Variants in WWOX observed in about 807,000 individuals in gnomAD.
WWOX encodes WW domain containing oxidoreductase, also known as WW domain-containing oxidoreductase.
Under a neutral mutation model 46.2 loss-of-function variants are expected in WWOX, and 69 were observed. That is an observed-to-expected ratio of 1.49 (90% confidence interval 1.23 to 1.82). WWOX has a LOEUF of 1.82. Ranked by LOEUF, WWOX falls within the 40% of genes most tolerant of loss-of-function variation. The probability of loss-of-function intolerance (pLI) is 0.00; values close to 1 mark genes in which losing one functional copy is unlikely to be tolerated. For missense variants in WWOX, 919 were observed against 542.6 expected (o/e 1.69, Z -6.89); for synonymous variants, 359 against 202.6 (o/e 1.77, Z -6.56).
chr16:79,090,815 T>C (rs1169147257), intron 8 of WWOX, among the ~76,000 whole-genome samples: 2 of 152,158 alleles, frequency 1.3e-5, no homozygotes, highest in African/African-American at 2.4e-5. Context: ...GTTTTGGTTA[T>C]TTTGTTTTTC....
chr16:78,735,489 T>A (rs1352445775), intron 8 of WWOX, among the ~76,000 whole-genome samples: 1 of 152,030 alleles, frequency 6.6e-6, no homozygotes, highest in Non-Finnish European at 1.5e-5. Flanking sequence ...TGTTTTGACG[T>A]GCTTGAACTC....
chr16:78,196,266 C>T (rs146370053), intron 5 of WWOX, among the ~76,000 whole-genome samples: 1 of 152,166 alleles, frequency 6.6e-6, no homozygotes, highest in Non-Finnish European at 1.5e-5. Context: ...GTAAGCCTAG[C>T]TTCTGGTAAA....
chr16:78,485,097 A>G (rs888478209), intron 8 of WWOX, among the ~76,000 whole-genome samples: 1 of 152,182 alleles, frequency 6.6e-6, no homozygotes, highest in Non-Finnish European at 1.5e-5. Context: ...CCAGCCGGAA[A>G]GGAAACAGTT....
At chr16:78,909,151 C>A (rs572400267) in intron 8 of WWOX, among the ~76,000 whole-genome samples, 2 of 152,196 alleles carry the variant, frequency 1.3e-5, no homozygotes, top group Admixed American at 1.3e-4. Flanking sequence ...GAGTCAGTTA[C>A]ATCAGATCTC....
intron 8 of WWOX, among the ~76,000 whole-genome samples, chr16:78,945,916 A>C (rs2045940230): frequency 6.6e-6 from 1 of 151,976 alleles, no homozygotes; most frequent in African/African-American, 2.4e-5. Flanking sequence ...TGAACATGTC[A>C]GTTCATCTCA....
chr16:78,347,691 C>T (rs1340137627), intron 5 of WWOX, among the ~76,000 whole-genome samples: 1 of 122,248 alleles, frequency 8.2e-6, no homozygotes, highest in East Asian at 1.9e-4. Context: ...GCATTACTAT[C>T]TTATTAAAGG....
chr16:78,911,120 A>G (rs2045099872), intron 8 of WWOX, among the ~76,000 whole-genome samples: 1 of 151,916 alleles, frequency 6.6e-6, no homozygotes, highest in Admixed American at 6.6e-5. Context: ...CAGACCTCAG[A>G]CAGGAGTCTG....
chr16:78,500,642 G>A (rs909498416), intron 8 of WWOX, among the ~76,000 whole-genome samples: 2 of 152,154 alleles, frequency 1.3e-5, no homozygotes, highest in Admixed American at 6.5e-5. Context: ...AAAATGGGGG[G>A]CTTAGCTTGG....
At chr16:78,199,065 C>A (rs1397887896) in intron 5 of WWOX, among the ~76,000 whole-genome samples, 1 of 152,010 alleles carries the variant, frequency 6.6e-6, no homozygotes, top group Non-Finnish European at 1.5e-5. Flanking sequence ...CCCATGCATC[C>A]CACTTTGGGA....
At chr16:78,868,839 C>G (rs1040128542) in intron 8 of WWOX, among the ~76,000 whole-genome samples, 3 of 152,278 alleles carry the variant, frequency 2.0e-5, no homozygotes, top group African/African-American at 4.8e-5. Flanking sequence ...TCTTCTAGTC[C>G]TTATGCTATC....
At chr16:78,365,630 CTGCCTACCACCT>C (rs1207133876) in intron 5 of WWOX, among the ~76,000 whole-genome samples, 2 of 152,226 alleles carry the variant, frequency 1.3e-5, no homozygotes, top group African/African-American at 4.8e-5. Flanking sequence ...GCTCTATAGA[CTGCCTACCACCT>C]TGTATCTACT....
intron 8 of WWOX, among the ~76,000 whole-genome samples, chr16:78,711,705 T>G (rs1434340655): frequency 2.0e-5 from 3 of 152,146 alleles, no homozygotes; most frequent in Non-Finnish European, 2.9e-5. Context: ...CAGCACAGTT[T>G]GAATATAAGT....
chr16:78,634,811 G>GGAGAGAGAGAGA (rs541433739), intron 8 of WWOX, among the ~76,000 whole-genome samples: 65 of 127,936 alleles, frequency 5.1e-4, no homozygotes, highest in African/African-American at 1.7e-3. Context: ...GCACCCGACT[G>GGAGAGAGAGAGA]GAGAGAGAGA....
chr16:78,416,986 T>G (rs1429108694), intron 6 of WWOX, among the ~76,000 whole-genome samples: 1 of 151,318 alleles, frequency 6.6e-6, no homozygotes, highest in Non-Finnish European at 1.5e-5. Flanking sequence ...TCAGGGAGCT[T>G]ATGTAAGACA....
chr16:78,994,396 C>T (rs1227019106), intron 8 of WWOX: 2 of 152,190 alleles, frequency 1.3e-5, no homozygotes, highest in Non-Finnish European at 2.9e-5. Context: ...ACTTTTGATA[C>T]AAAGGTTATT....
chr16:78,687,617 G>A (rs561423755), intron 8 of WWOX, among the ~76,000 whole-genome samples: 1 of 152,250 alleles, frequency 6.6e-6, no homozygotes, highest in South Asian at 2.1e-4. Flanking sequence ...TTTTCTAAGA[G>A]TAATGGTTAT....
At position 78,109,832 on chromosome 16, in the gene WWOX, TTGAG is replaced by T; in HGVS notation, c.229_230+2del. ...GATGAGAACGGACAAGTGTTTTTTG[TTGAG>T]TAAGTGTCTGCAAAGAAACCACTCT... On this transcript the variant is annotated splice_donor_variant and coding_sequence_variant, in exon 3 of 9. Transcript: ENST00000566780. LOFTEE classifies it high-confidence loss of function. The T allele has an allele frequency of 6.2e-7, 1 of 1,614,234 alleles. No homozygotes were observed. The highest frequency in any genetic ancestry group is 8.5e-7 in the Non-Finnish European group (1 of 1,180,042).
chr16:78,799,313 G>T (rs1183970632), intron 8 of WWOX, among the ~76,000 whole-genome samples: 3 of 152,074 alleles, frequency 2.0e-5, no homozygotes, highest in African/African-American at 7.2e-5. Context: ...AAAACCCCAG[G>T]GTAGATGCTA....
chr16:78,912,478 C>G (rs113386129), intron 8 of WWOX, among the ~76,000 whole-genome samples: 1 of 151,838 alleles, frequency 6.6e-6, no homozygotes, highest in Non-Finnish European at 1.5e-5. Flanking sequence ...GCCACTAACA[C>G]GGGATCTGTC....
Sources: allele counts gnomAD v4.1 joint callset (sites outside exome capture counted in the v4.1 genomes callset), GRCh38; gene constraint gnomAD v4.1.1; transcripts MANE v1.5; gene names NCBI Gene and HGNC (gene_info 2026-07-23, HGNC 2026-07-21).